Variants in STPG2 observed in about 807,000 individuals in gnomAD.
STPG2 encodes sperm tail PG-rich repeat containing 2.
In STPG2, 56 loss-of-function variants were observed where a neutral mutation model predicts 54.2. The ratio of observed to expected loss-of-function variants is 1.03; its 90% CI spans 0.83 to 1.29. STPG2 has a LOEUF of 1.29. Among genes scored for constraint, STPG2 ranks in the 50% most tolerant of loss-of-function variants. The pLI, the probability that STPG2 is intolerant of heterozygous loss-of-function variation, is 0.00. For synonymous variants in STPG2, 200 were observed against 181.8 expected (o/e 1.10, Z -0.81); for missense variants, 596 against 544.9 (o/e 1.09, Z -0.93).
At chr4:97,722,797 ATT>A (rs11316033) in intron 9 of STPG2, among the ~76,000 whole-genome samples, 79 of 122,634 alleles carry the variant, frequency 6.4e-4, no homozygotes, top group Middle Eastern at 4.3e-3. Context: ...GTCTCTGCCA[ATT>A]TTTTTTTTTT....
At chr4:97,541,898 T>C (rs560373376) in intron 4 of STPG2, among the ~76,000 whole-genome samples, 1 of 152,266 alleles carries the variant, frequency 6.6e-6, no homozygotes, top group South Asian at 2.1e-4. Context: ...CAAATGGTGA[T>C]GGGAAAACTG....
At chr4:98,045,425 C>T (rs1321254956) in intron 5 of STPG2, among the ~76,000 whole-genome samples, 2 of 152,110 alleles carry the variant, frequency 1.3e-5, no homozygotes, top group African/African-American at 4.8e-5. Flanking sequence ...TTTCCTGAGG[C>T]CTGTGGAAAT....
chr4:97,659,958 A>G (rs1722326945), intron 10 of STPG2, among the ~76,000 whole-genome samples: 1 of 152,002 alleles, frequency 6.6e-6, no homozygotes, highest in South Asian at 2.1e-4. Flanking sequence ...TAGTTTGGAC[A>G]TGATCCTCCT....
chr4:97,922,689 TA>T (rs1732153175), intron 8 of STPG2, among the ~76,000 whole-genome samples: 1 of 152,178 alleles, frequency 6.6e-6, no homozygotes, highest in South Asian at 2.1e-4. Context: ...GGCTCTCTGT[TA>T]GGTCCTGCAA....
intron 10 of STPG2, among the ~76,000 whole-genome samples, chr4:97,584,830 G>T (rs1732950664): frequency 6.6e-6 from 1 of 151,622 alleles, no homozygotes; most frequent in Admixed American, 6.6e-5. Context: ...TAGAAACTCT[G>T]AACAGACCAA....
At chr4:97,737,713 A>T (rs1452868672) in intron 9 of STPG2, among the ~76,000 whole-genome samples, 3 of 152,238 alleles carry the variant, frequency 2.0e-5, no homozygotes, top group African/African-American at 7.2e-5. Flanking sequence ...GGACTATGTG[A>T]AAAGACCATA....
chr4:97,886,170 G>A (rs1560571447), intron 8 of STPG2, among the ~76,000 whole-genome samples: 3 of 152,022 alleles, frequency 2.0e-5, no homozygotes, highest in Non-Finnish European at 4.4e-5. Flanking sequence ...TACTCATCTG[G>A]GAAAATCTTC....
At chr4:97,445,431 G>T (rs918579161) in intron 4 of STPG2, among the ~76,000 whole-genome samples, 6 of 151,930 alleles carry the variant, frequency 3.9e-5, no homozygotes, top group Non-Finnish European at 8.8e-5. Flanking sequence ...TTTTTCTAAC[G>T]ACCACATAAG....
chr4:97,918,035 C>A lies in STPG2; in HGVS notation c.1044+25862G>T, dbSNP rs540414997. On this transcript the variant is annotated intron_variant, in intron 8 of 10. Transcript: ENST00000295268. ...ACTCTGCATTTAACAAATAAACAAT[C>A]TTTCTAAAATTAAGGCATGCGTATA... is the stretch of plus-strand genomic sequence containing the variant. Among the ~76,000 whole-genome samples the A allele has an allele frequency of 2.0e-5, 3 of 151,894 alleles. No homozygotes were observed. In the South Asian group the frequency reaches 6.2e-4, roughly 32 times the overall value.
At chr4:97,903,492 T>C (rs1397187606) in intron 8 of STPG2, among the ~76,000 whole-genome samples, 2 of 142,990 alleles carry the variant, frequency 1.4e-5, no homozygotes, top group Non-Finnish European at 3.1e-5. Flanking sequence ...AGGAGAAAAA[T>C]AATAGACAGT....
chr4:97,733,181 C>A (rs1724862013), intron 9 of STPG2, among the ~76,000 whole-genome samples: 1 of 151,998 alleles, frequency 6.6e-6, no homozygotes, highest in African/African-American at 2.4e-5. Flanking sequence ...AGATGTGGAA[C>A]CAATGTTAAA....
chr4:97,962,825 A>G (rs1733940087), intron 7 of STPG2, among the ~76,000 whole-genome samples: 1 of 152,208 alleles, frequency 6.6e-6, no homozygotes, highest in Non-Finnish European at 1.5e-5. Flanking sequence ...CATGCTAATA[A>G]TCACTGTGCT....
At chr4:97,641,519 A>C (rs1026559667) in intron 10 of STPG2, among the ~76,000 whole-genome samples, 1 of 151,392 alleles carries the variant, frequency 6.6e-6, no homozygotes, top group African/African-American at 2.4e-5. Flanking sequence ...GAAGCAGAAC[A>C]TGTTGTAACC....
chr4:98,019,548 G>C (rs1435708942), intron 5 of STPG2, among the ~76,000 whole-genome samples: 1 of 151,856 alleles, frequency 6.6e-6, no homozygotes, highest in East Asian at 1.9e-4. Context: ...TTCCAATTCT[G>C]TGAAGAAAGG....
intron 10 of STPG2, among the ~76,000 whole-genome samples, chr4:97,637,584 C>A (rs1424409027): frequency 6.6e-6 from 1 of 152,126 alleles, no homozygotes; most frequent in Non-Finnish European, 1.5e-5. Context: ...GATTGTATAT[C>A]TAGAAAACTC....
intron 10 of STPG2, among the ~76,000 whole-genome samples, chr4:97,630,797 TA>T (rs1212074769): frequency 1.3e-5 from 2 of 151,764 alleles, no homozygotes; most frequent in East Asian, 3.8e-4. Flanking sequence ...TTTTTTAATC[TA>T]AAAAATCATT....
intron 5 of STPG2, among the ~76,000 whole-genome samples, chr4:97,985,969 CAT>C (rs1487774071): frequency 6.2e-4 from 77 of 124,480 alleles, no homozygotes; most frequent in African/African-American, 1.9e-3. Flanking sequence ...CACACACACA[CAT>C]ACACACACAC....
Position 98,092,716 on chromosome 4 carries a change from A to G in STPG2, c.612+13237T>C, listed in dbSNP as rs188452143. ...TTTATGTAACCTAAAATTTTATACTAATCAAGAGAATAACCTAGTCTATAA... is the reference window on the plus strand; with the variant it reads ...TTTATGTAACCTAAAATTTTATACTGATCAAGAGAATAACCTAGTCTATAA... On this transcript the variant is annotated intron_variant, in intron 5 of 10. Coordinates refer to ENST00000295268, the MANE Select transcript of STPG2 (RefSeq NM_174952.3). 6.5e-3 allele frequency among the ~76,000 whole-genome samples: 985 copies of G among 152,208 alleles called. 5 individuals are homozygous for G. The highest frequency in any genetic ancestry group is 0.01 in the Non-Finnish European group (701 of 67,962).
chr4:97,548,663 T>G (rs1251946938), intron 4 of STPG2, among the ~76,000 whole-genome samples: 1 of 152,212 alleles, frequency 6.6e-6, no homozygotes, highest in Non-Finnish European at 1.5e-5. Context: ...TTCTTTTTAT[T>G]CTTGAATTCT....
Sources: allele counts gnomAD v4.1 joint callset (sites outside exome capture counted in the v4.1 genomes callset), GRCh38; gene constraint gnomAD v4.1.1; transcripts MANE v1.5; gene names NCBI Gene and HGNC (gene_info 2026-07-23, HGNC 2026-07-21).